Variants in WDR25 observed in about 807,000 individuals in gnomAD.
WDR25 encodes WD repeat domain 25, also known as WD repeat-containing protein 25.
WDR25 carries 35 observed loss-of-function variants against 47.7 expected under a neutral mutation model. The ratio of observed to expected loss-of-function variants is 0.73; its 90% CI spans 0.56 to 0.97. The LOEUF (loss-of-function observed/expected upper bound fraction) is 0.97, where lower values mean the gene tolerates loss of function less well. Ranked by LOEUF, WDR25 falls within the 50% of genes least tolerant of loss-of-function variation. The pLI is 0.00. For synonymous variants in WDR25, 248 were observed against 278.9 expected (o/e 0.89, Z 1.10); for missense variants, 634 against 704.7 (o/e 0.90, Z 1.14).
chr14:100,520,410 T>C (rs1901679508), intron 4 of WDR25, among the ~76,000 whole-genome samples: 1 of 152,182 alleles, frequency 6.6e-6, no homozygotes, highest in Non-Finnish European at 1.5e-5. Context: ...ACACTAACAA[T>C]GAAACGACTG....
At chr14:100,514,193 C>T (rs1901415008) in intron 4 of WDR25, among the ~76,000 whole-genome samples, 3 of 152,044 alleles carry the variant, frequency 2.0e-5, no homozygotes, top group East Asian at 1.9e-4. Flanking sequence ...GCCTCGGCCT[C>T]CCAAAGTGCT....
chr14:100,378,172 ATTT>A (rs11350148), intron 1 of WDR25, among the ~76,000 whole-genome samples: 1 of 149,578 alleles, frequency 6.7e-6, no homozygotes. Flanking sequence ...TTTCAGAAAG[ATTT>A]TTTTTTTTTT....
At position 100,502,756 on chromosome 14, in the gene WDR25, A is replaced by G. The variant is rs757024576; in HGVS notation, c.1101+18632A>G. 2.0e-5 allele frequency among the ~76,000 whole-genome samples: 3 copies of G among 152,184 alleles called. No individual in the cohort carries two copies. Among genetic ancestry groups the G allele is most frequent in the Non-Finnish European group, 2.9e-5 (2 of 68,032 alleles). On this transcript the variant is annotated intron_variant, in intron 4 of 6. Coordinates refer to ENST00000402312, the MANE Select transcript of WDR25 (RefSeq NM_001161476.3). This position sits in a 1 kb window ranked among gnomAD's most constrained non-coding sequence, Gnocchi z 4.5. ...GAAAGACTCACAGAAGAAGGAGCTA[A>G]TGATTTTGCTTGCCACATTGGGAGG...
chr14:100,450,697 G>T (rs1336432987), intron 2 of WDR25, among the ~76,000 whole-genome samples: 1 of 152,152 alleles, frequency 6.6e-6, no homozygotes, highest in East Asian at 1.9e-4. Flanking sequence ...CAAAAATAAA[G>T]GTATAACATT....
rs1177747248 is a variant in WDR25, at chr14:100,525,097, G to C, written c.1102-773G>C. Among the ~76,000 whole-genome samples, 1 of 152,278 alleles carries C rather than the reference G, an allele frequency of 6.6e-6. No homozygotes were observed. The highest frequency in any genetic ancestry group is 1.9e-4 in the East Asian group (1 of 5,166). ...CTTGAGACCTTGCTGCGCTTCCATG[G>C]CTGCGCGTGGGTGCCCAGCATGTTA... On this transcript the variant is annotated intron_variant, in intron 4 of 6. Transcript: ENST00000402312. The surrounding 1 kb of genome is among the most constrained non-coding windows in gnomAD (Gnocchi z 4.6).
At chr14:100,521,268 A>G (rs1327019601) in intron 4 of WDR25, among the ~76,000 whole-genome samples, 3 of 152,158 alleles carry the variant, frequency 2.0e-5, no homozygotes, top group Non-Finnish European at 4.4e-5. Context: ...TACAAAACCT[A>G]AAATATTTAC....
At chr14:100,471,587 T>TCTAATTAGGGCTCCCTGC (rs1899835463) in intron 3 of WDR25, among the ~76,000 whole-genome samples, 1 of 152,220 alleles carries the variant, frequency 6.6e-6, no homozygotes, top group African/African-American at 2.4e-5. Context: ...TTCATTTCAA[T>TCTAATTAGGGCTCCCTGC]CTAATTAGGG....
At chr14:100,377,119 G>A (rs1896713974) in intron 1 of WDR25, among the ~76,000 whole-genome samples, 1 of 152,214 alleles carries the variant, frequency 6.6e-6, no homozygotes, top group Non-Finnish European at 1.5e-5. Context: ...GGGAATCTGG[G>A]TGCATGGTGG....
chr14:100,530,075 G>T lies in WDR25; in HGVS notation c.*34G>T, dbSNP rs765043117. The T allele has an allele frequency of 7.6e-6, 12 of 1,583,450 alleles. No homozygotes were observed. In the South Asian group the frequency reaches 1.4e-4, roughly 18 times the overall value. On this transcript the variant is annotated 3_prime_UTR_variant, in exon 7 of 7. Transcript: ENST00000402312. ...TCACTGAACCTTCCCGATGCCAGCT[G>T]GGCTCTTGGACTCCCCTCTTCCTCA...
intron 3 of WDR25, among the ~76,000 whole-genome samples, chr14:100,479,462 C>A (rs1242656970): frequency 2.6e-5 from 4 of 151,864 alleles, no homozygotes; most frequent in African/African-American, 9.7e-5. Context: ...GATCAATTCA[C>A]CAAGAAGCAG....
chr14:100,395,831 C>T (rs554527887), intron 2 of WDR25, among the ~76,000 whole-genome samples: 2 of 152,122 alleles, frequency 1.3e-5, no homozygotes, highest in African/African-American at 2.4e-5. Flanking sequence ...CACTCCCCCA[C>T]CCACCCCTCA....
chr14:100,451,196 AAGAC>A (rs1298925358), intron 2 of WDR25, among the ~76,000 whole-genome samples: 1 of 152,158 alleles, frequency 6.6e-6, no homozygotes, highest in Admixed American at 6.5e-5. Context: ...GCAGGATTAA[AAGAC>A]AGACATGCTT....
chr14:100,459,939 T>TAC (rs143430873), intron 2 of WDR25, among the ~76,000 whole-genome samples: 55 of 84,882 alleles, frequency 6.5e-4, no homozygotes, highest in South Asian at 1.9e-3. Flanking sequence ...TATATATATA[T>TAC]ACACATACAC....
chr14:100,495,887 A>G (rs1318858335), intron 4 of WDR25, among the ~76,000 whole-genome samples: 1 of 152,140 alleles, frequency 6.6e-6, no homozygotes, highest in Non-Finnish European at 1.5e-5. Context: ...GGACGTTTGC[A>G]TTGTTTCCAT....
rs148986731 is a variant in WDR25 at position 100,433,000 on chromosome 14, C to T, written c.823-35021C>T. Among the ~76,000 whole-genome samples the T allele has an allele frequency of 5.9e-4, 90 of 152,318 alleles. 1 individual carries two copies. The East Asian group carries it at 0.015, about 26-fold the overall frequency. Reference sequence around the variant, plus strand: ...ATTTGTGTATCTACACATATCTGAACTTAGAAGAGGTACAGTAAAAATACA... The same window carrying T: ...ATTTGTGTATCTACACATATCTGAATTTAGAAGAGGTACAGTAAAAATACA... On this transcript the variant is annotated intron_variant, in intron 2 of 6. Coordinates refer to ENST00000402312, the MANE Select transcript of WDR25 (RefSeq NM_001161476.3).
At chr14:100,387,498 A>G (rs1396543943) in intron 2 of WDR25, among the ~76,000 whole-genome samples, 1 of 152,206 alleles carries the variant, frequency 6.6e-6, no homozygotes, top group Non-Finnish European at 1.5e-5. Flanking sequence ...AAGTGGTCAC[A>G]TTTAAAGCAT....
chr14:100,402,259 C>T (rs1028460136), intron 2 of WDR25, among the ~76,000 whole-genome samples: 9 of 152,132 alleles, frequency 5.9e-5, no homozygotes, highest in African/African-American at 1.9e-4. Flanking sequence ...ATTATTACCT[C>T]GGTATAATCA....
chr14:100,496,825 A>ATTTT (rs1900742794), intron 4 of WDR25, among the ~76,000 whole-genome samples: 1 of 88,292 alleles, frequency 1.1e-5, no homozygotes, highest in African/African-American at 4.9e-5. Flanking sequence ...TTTTTCTTTA[A>ATTTT]TTCTTTTTTT....
Position 100,430,396 on chromosome 14 carries a change from C to T in WDR25, c.823-37625C>T, listed in dbSNP as rs755373096. ...CTACTGGGGCCATATACCATGAAGC[C>T]GAAATTCCTAGTCTGTTTATTCATA... On this transcript the variant is annotated intron_variant, in intron 2 of 6. Coordinates refer to ENST00000402312, the MANE Select transcript of WDR25 (RefSeq NM_001161476.3). This position sits in a 1 kb window ranked among gnomAD's most constrained non-coding sequence, Gnocchi z 4.7. 1.3e-5 allele frequency among the ~76,000 whole-genome samples: 2 copies of T among 152,020 alleles called. No individual in the cohort carries two copies. The highest frequency in any genetic ancestry group is 2.4e-5 in the African/African-American group (1 of 41,374).
Sources: gnomAD v4.1 joint callset for allele counts (sites outside exome capture counted in the v4.1 genomes callset) on GRCh38, gnomAD v4.1.1 for gene constraint, Gnocchi (gnomAD v3.1) non-coding constraint, MANE v1.5 for transcripts, NCBI Gene and HGNC (gene_info 2026-07-23, HGNC 2026-07-21) for gene names.